Variants in SGSM2 observed in about 807,000 individuals in gnomAD.
SGSM2 encodes the protein RUN and TBC1 domain containing 1.
In SGSM2, 89 loss-of-function variants were observed where a neutral mutation model predicts 126.6. The ratio of observed to expected loss-of-function variants is 0.70; its 90% CI spans 0.59 to 0.84. SGSM2 has a LOEUF of 0.84. Among genes scored for constraint, SGSM2 ranks in the 40% least tolerant of loss-of-function variants. The pLI, the probability that SGSM2 is intolerant of heterozygous loss-of-function variation, is 0.00. For missense variants in SGSM2, 1,404 were observed against 1,416.6 expected, an observed-to-expected ratio of 0.99 and a Z score of 0.14; for synonymous variants, 614 against 574.3, an observed-to-expected ratio of 1.07 and a Z score of -0.99.
intron 8 of SGSM2, 44 bp downstream of exon 8, chr17:2,364,227 G>A: frequency 1.2e-6 from 2 of 1,611,420 alleles, no homozygotes; most frequent in Non-Finnish European, 1.7e-6. Context: ...GGCAGGGAGT[G>A]GGTTTGACCT....
rs778897283 is a variant in SGSM2, at chr17:2,367,375, C to A, written c.1393C>A (p.Arg465=). ...LHAMLSMICS[R]NLTAPNPMKD... ...CGCGATGCTCTCAATGATCTGCTCGCGGAACCTCACAGCTCCCAATCCGAT... is the reference window on the plus strand; with the variant it reads ...CGCGATGCTCTCAATGATCTGCTCGAGGAACCTCACAGCTCCCAATCCGAT... The change falls in exon 12 of 24, where the codon CGG becomes AGG. Residue 465 remains arginine, a synonymous_variant. Transcript: ENST00000268989. The surrounding 1 kb of genome is among the most constrained non-coding windows in gnomAD (Gnocchi z 4.0). 3 of 1,614,088 alleles carry A rather than the reference C, an allele frequency of 1.9e-6. No homozygotes were observed. The South Asian group carries it at 3.3e-5, about 18-fold the overall frequency.
chr17:2,374,825 C>T (rs574122768), intron 17 of SGSM2, among the ~76,000 whole-genome samples: 1 of 152,268 alleles, frequency 6.6e-6, no homozygotes, highest in South Asian at 2.1e-4. Flanking sequence ...AAAGTAGAAA[C>T]TACTTTTAGC....
At chr17:2,354,083 T>G (rs2064989939) in intron 2 of SGSM2, among the ~76,000 whole-genome samples, 1 of 152,138 alleles carries the variant, frequency 6.6e-6, no homozygotes, top group African/African-American at 2.4e-5. Flanking sequence ...GTTTTTAAAT[T>G]TTTTGTAGAG....
In SGSM2 at chr17:2,371,341, C is replaced by A. The variant is rs376447631; in HGVS notation, c.1503C>A (p.Gly501=). The A allele has an allele frequency of 3.2e-5, 52 of 1,612,090 alleles. No homozygotes were observed. In the African/African-American group the frequency reaches 5.9e-4, roughly 18 times the overall value. The change falls in exon 13 of 24, where the codon GGC becomes GGA. Residue 501 remains glycine, a synonymous_variant. Coordinates refer to ENST00000268989, the MANE Select transcript of SGSM2 (RefSeq NM_014853.3). ...AWHLEPLCSQ[G]SSCLSCSSSS... Reference sequence around the variant, plus strand: ...ACCTGGAGCCCCTGTGCAGTCAGGGCTCCTCCTGCCTCTCCTGCTCCTCCA... The same window carrying A: ...ACCTGGAGCCCCTGTGCAGTCAGGGATCCTCCTGCCTCTCCTGCTCCTCCA...
chr17:2,372,534 G>A lies in SGSM2; in HGVS notation c.1788+46G>A, dbSNP rs770627644. The A allele has an allele frequency of 5.4e-5, 85 of 1,583,100 alleles. 1 individual carries two copies. The highest frequency in any genetic ancestry group is 5.1e-4 in the South Asian group (44 of 86,798). ...GGGCCACAGGTCGAGGGGCTGGGGC[G>A]GGCAGGAGTGAGGGCTTCAGGGTAA... is the stretch of plus-strand genomic sequence containing the variant. On this transcript the variant is annotated intron_variant, in intron 15 of 23. Coordinates refer to ENST00000268989, the MANE Select transcript of SGSM2 (RefSeq NM_014853.3). The surrounding 1 kb of genome is among the most constrained non-coding windows in gnomAD (Gnocchi z 6.0).
rs375415077 is a variant in SGSM2, at chr17:2,372,176, G to T, written c.1578-14G>T. The stretch of plus-strand genomic sequence containing the variant: ...GCCGCAGCCCCTCCCTGCTGAGCCC[G>T]GTTGTTGCCACAGGTTGCCGCTCAG... On this transcript the variant is annotated splice_polypyrimidine_tract_variant and intron_variant, in intron 13 of 23. Coordinates refer to ENST00000268989, the MANE Select transcript of SGSM2 (RefSeq NM_014853.3). The surrounding 1 kb of genome is among the most constrained non-coding windows in gnomAD (Gnocchi z 6.0). 3 of 1,613,170 alleles carry T rather than the reference G, an allele frequency of 1.9e-6. No homozygotes were observed. Among genetic ancestry groups the T allele is most frequent in the East Asian group, 4.5e-5 (2 of 44,862 alleles).
intron 22 of SGSM2, among the ~76,000 whole-genome samples, chr17:2,378,328 C>A (rs1274842355): frequency 1.3e-5 from 2 of 152,028 alleles, no homozygotes; most frequent in African/African-American, 2.4e-5. Flanking sequence ...GTAATCCCAG[C>A]ACTTTGGGAG....
At chr17:2,361,978 C>A in intron 3 of SGSM2, 131 bp from the exon 4 acceptor site, 2 of 1,338,244 alleles carry the variant, frequency 1.5e-6, no homozygotes, top group Non-Finnish European at 2.0e-6. Context: ...CTCTGTACCC[C>A]TCCTTCACCT....
At chr17:2,357,461 C>T (rs996243485) in intron 2 of SGSM2, among the ~76,000 whole-genome samples, 3 of 152,116 alleles carry the variant, frequency 2.0e-5, no homozygotes, top group Non-Finnish European at 2.9e-5. Flanking sequence ...TCATGGCATT[C>T]GCAGCAACCT....
chr17:2,364,851 T>C (rs1385226737), intron 9 of SGSM2, 46 bp from the exon 10 acceptor site: 26 of 1,594,948 alleles, frequency 1.6e-5, no homozygotes, highest in Non-Finnish European at 2.2e-5. Flanking sequence ...CAGGGTGTGA[T>C]AGCCGACGAG....
intron 18 of SGSM2, 68 bp from the exon 19 acceptor site, chr17:2,376,069 G>A (rs2066131611): frequency 8.7e-6 from 14 of 1,603,898 alleles, no homozygotes; most frequent in South Asian, 1.1e-5. Flanking sequence ...TTCTTGGGGC[G>A]TCACCTCCTG....
intron 18 of SGSM2, 24 bp downstream of exon 18, chr17:2,375,899 T>C (rs2066118720): frequency 8.6e-6 from 13 of 1,508,450 alleles, no homozygotes; most frequent in Non-Finnish European, 1.1e-5. Context: ...CCCCAGGCTG[T>C]TCCCAGCCGC....
intron 9 of SGSM2, 40 bp downstream of exon 9, chr17:2,364,703 G>A: frequency 6.2e-7 from 1 of 1,606,380 alleles, no homozygotes; most frequent in Non-Finnish European, 8.5e-7. Flanking sequence ...GGAAGGGAGA[G>A]GCTGCCTTCT....
Position 2,372,764 on chromosome 17 carries a change from G to C in SGSM2, c.1789-189G>C. ...ATTTCCTGCCCCTTAAGGAAGGAGA[G>C]CAGAACGAGATCTCATCCCACTGTG... On this transcript the variant is annotated intron_variant, in intron 15 of 23. Coordinates refer to ENST00000268989, the MANE Select transcript of SGSM2 (RefSeq NM_014853.3). The surrounding 1 kb of genome is among the most constrained non-coding windows in gnomAD (Gnocchi z 6.0). The C allele has an allele frequency of 1.2e-6, 1 of 859,868 alleles. No individual in the cohort carries two copies. 53.3% of individuals were successfully genotyped at this position (859,868 alleles called of 1,614,324 possible). A position where few individuals can be genotyped will look rare whatever the true frequency, so the allele number is the denominator to read the frequency against.
chr17:2,371,361 C>T lies in SGSM2; in HGVS notation c.1523C>T (p.Ser508Phe). 6.2e-7 allele frequency: 1 copy of T among 1,612,230 alleles called. No homozygotes were observed. The change falls in exon 13 of 24, where the codon TCC becomes TTC. Residue 508 changes from serine (S) to phenylalanine (F), a missense_variant. Physicochemically the swap from Ser to Phe is radical, Grantham distance 155. Coordinates refer to ENST00000268989, the MANE Select transcript of SGSM2 (RefSeq NM_014853.3). ...CAGGGCTCCTCCTGCCTCTCCTGCT[C>T]CTCCAGCAGCTCCCCACATGCAACC... ...CSQGSSCLSC[S>F]SSSSPHATPS...
chr17:2,369,410 C>T (rs1211059489), intron 12 of SGSM2, among the ~76,000 whole-genome samples: 1 of 152,174 alleles, frequency 6.6e-6, no homozygotes, highest in Admixed American at 6.5e-5. Flanking sequence ...GTGGGGTTCG[C>T]CCACCCTGTT....
In SGSM2 at chr17:2,376,249, ACGTCATGTGCAGGTGC is replaced by A; in HGVS notation, c.2599_2609+5del. On this transcript the variant is annotated splice_donor_variant and splice_donor_region_variant and coding_sequence_variant and intron_variant, in exon 19 of 24. Coordinates refer to ENST00000268989, the MANE Select transcript of SGSM2 (RefSeq NM_014853.3). LOFTEE classifies it high-confidence loss of function. ...CCCCCCAACCTCGAGAGGCTCAGAG[ACGTCATGTGCAGGTGC>A]CTTGTGGGGCGGGGCTCAGGGTGGG... The A allele has an allele frequency of 6.2e-7, 1 of 1,613,594 alleles. No homozygotes were observed. The highest frequency in any genetic ancestry group is 8.5e-7 in the Non-Finnish European group (1 of 1,179,942).
At position 2,347,651 on chromosome 17, in the gene SGSM2, T is replaced by C. The variant is rs2064661298; in HGVS notation, c.133+4031T>C. Among the ~76,000 whole-genome samples the C allele has an allele frequency of 2.0e-5, 3 of 151,804 alleles. No individual in the cohort carries two copies. In the South Asian group the frequency reaches 6.2e-4, roughly 31 times the overall value. On this transcript the variant is annotated intron_variant, in intron 2 of 23. Transcript: ENST00000268989. Reference sequence around the variant, plus strand: ...AAGGTGCTTTTGTTTTTTCTTTTTTTTTTTTTCCAGATGAGGTCTTGCTAT... The same window carrying C: ...AAGGTGCTTTTGTTTTTTCTTTTTTCTTTTTTCCAGATGAGGTCTTGCTAT...
rs1184844205 is a variant in SGSM2 at position 2,364,124 on chromosome 17, G to A, written c.873G>A (p.Leu291=). ...SLHQSAESLT[L]KWTPNQLMNG... ...ACCAGTCTGCAGAGAGCCTGACTCT[G>A]AAGTGGACCCCCAACCAGCTCATGA... The change falls in exon 8 of 24, where the codon CTG becomes CTA. Residue 291 remains leucine (L), a synonymous_variant. Coordinates refer to ENST00000268989, the MANE Select transcript of SGSM2 (RefSeq NM_014853.3). 3 of 1,614,084 alleles carry A rather than the reference G, an allele frequency of 1.9e-6. No individual in the cohort carries two copies. The highest frequency in any genetic ancestry group is 2.5e-6 in the Non-Finnish European group (3 of 1,180,040).
Sources: gnomAD v4.1 joint callset for allele counts (sites outside exome capture counted in the v4.1 genomes callset) on GRCh38, gnomAD v4.1.1 for gene constraint, Gnocchi (gnomAD v3.1) non-coding constraint, MANE v1.5 for transcripts, NCBI Gene and HGNC (gene_info 2026-07-23, HGNC 2026-07-21) for gene names.